MYOCD: variants seen among roughly 807,000 people sequenced by gnomAD.
MYOCD encodes myocardin.
Under a neutral mutation model 96.1 loss-of-function variants are expected in MYOCD, and 32 were observed. The ratio of observed to expected loss-of-function variants is 0.33; its 90% confidence interval spans 0.25 to 0.45. The LOEUF (loss-of-function observed/expected upper bound fraction) is 0.45, where lower values mean the gene tolerates loss of function less well. MYOCD is among the 20% of genes least tolerant of loss of function. MYOCD has a pLI of 1.00. For missense variants in MYOCD, 1,133 were observed against 1,200.6 expected (o/e 0.94, Z 0.83); for synonymous variants, 469 against 469.0 (o/e 1.00, Z 0.00).
chr17:12,763,561 C>T lies in MYOCD; in HGVS notation c.2878C>T (p.Pro960Ser), dbSNP rs1240342527. The change falls in exon 14 of 14, where the codon CCC becomes TCC. Residue 960 changes from proline (P) to serine (S), a missense_variant. Coordinates refer to ENST00000425538, the MANE Select transcript of MYOCD (RefSeq NM_001146312.3). ...CTTTAGCGCCCTCACCACCAGCAGC[C>T]CCAGCATCTTCAACATCGATTTCCT... Reference protein sequence around the residue: ...PGFSALTTSSPSIFNIDFLDV... With the variant: ...PGFSALTTSSSSIFNIDFLDV... The T allele has an allele frequency of 1.9e-6, 3 of 1,614,152 alleles. No individual in the cohort carries two copies. Among genetic ancestry groups the T allele is most frequent in the South Asian group, 1.1e-5 (1 of 91,084 alleles).
chr17:12,734,382 C>T (rs950337399), intron 5 of MYOCD, among the ~76,000 whole-genome samples: 17 of 151,870 alleles, frequency 1.1e-4, no homozygotes, highest in Admixed American at 8.5e-4. Context: ...GCCCGGGGCA[C>T]GTGCCATGTG....
chr17:12,691,202 A>G (rs1339895490), intron 1 of MYOCD, among the ~76,000 whole-genome samples: 4 of 152,256 alleles, frequency 2.6e-5, no homozygotes, highest in Non-Finnish European at 4.4e-5. Flanking sequence ...TAACAGCCAC[A>G]GGATTCTTCT....
intron 2 of MYOCD, among the ~76,000 whole-genome samples, chr17:12,714,172 C>T (rs1261660185): frequency 1.3e-5 from 2 of 151,972 alleles, no homozygotes; most frequent in East Asian, 3.9e-4. Flanking sequence ...GACCTGTTAA[C>T]TCCCCAAGCA....
At chr17:12,701,362 A>C (rs1185806366) in intron 1 of MYOCD, among the ~76,000 whole-genome samples, 1 of 152,186 alleles carries the variant, frequency 6.6e-6, no homozygotes, top group Non-Finnish European at 1.5e-5. Context: ...CAGTGAGCCG[A>C]GATCGTGCCA....
At chr17:12,722,746 C>A in intron 4 of MYOCD, 101 bp from the exon 5 acceptor site, 1 of 936,960 alleles carries the variant, frequency 1.1e-6, no homozygotes, top group South Asian at 1.7e-5. Context: ...TGGTAGAGCA[C>A]AATGTGACAC....
chr17:12,740,613 C>T (rs9911107), intron 7 of MYOCD, among the ~76,000 whole-genome samples: 10 of 152,182 alleles, frequency 6.6e-5, no homozygotes, highest in African/African-American at 2.4e-4. Context: ...GCACTTGCGA[C>T]TCGTGCTTCT....
chr17:12,716,177 G>A (rs1209465856), intron 3 of MYOCD, among the ~76,000 whole-genome samples: 2 of 152,202 alleles, frequency 1.3e-5, no homozygotes, highest in Non-Finnish European at 1.5e-5. Context: ...GGCAAAGAGA[G>A]TATCTGCCTG....
chr17:12,715,825 A>G (rs2031623220), intron 3 of MYOCD, among the ~76,000 whole-genome samples: 1 of 152,190 alleles, frequency 6.6e-6, no homozygotes, highest in South Asian at 2.1e-4. Context: ...ATGTTGGAAG[A>G]AATTACAGTA....
At chr17:12,754,367 G>T (rs1403826374) in intron 10 of MYOCD, among the ~76,000 whole-genome samples, 2 of 152,228 alleles carry the variant, frequency 1.3e-5, no homozygotes, top group East Asian at 3.9e-4. Flanking sequence ...CTCCCAAAGT[G>T]CTGGGATTAC....
At chr17:12,706,898 C>G (rs182910998) in intron 2 of MYOCD, among the ~76,000 whole-genome samples, 2 of 152,260 alleles carry the variant, frequency 1.3e-5, no homozygotes, top group Admixed American at 1.3e-4. Flanking sequence ...AAAAATCCTA[C>G]AAATCATGAA....
At chr17:12,676,178 T>C (rs1910025747) in intron 1 of MYOCD, among the ~76,000 whole-genome samples, 2 of 151,882 alleles carry the variant, frequency 1.3e-5, no homozygotes, top group South Asian at 4.1e-4. Context: ...TTTGATTACA[T>C]ATTTTAATCC....
chr17:12,708,816 C>T (rs2031387373), intron 2 of MYOCD, among the ~76,000 whole-genome samples: 1 of 152,168 alleles, frequency 6.6e-6, no homozygotes, highest in Non-Finnish European at 1.5e-5. Context: ...TGTGGAGGAG[C>T]TGAGGCCAGA....
At chr17:12,748,160 C>CAAAAAAAAAAAAAA (rs58002174) in intron 9 of MYOCD, among the ~76,000 whole-genome samples, 4 of 90,594 alleles carry the variant, frequency 4.4e-5, no homozygotes, top group Admixed American at 2.7e-4. Context: ...GACTCCGTCT[C>CAAAAAAAAAAAAAA]AAAAAAAAAA....
rs1011279045 is a variant in MYOCD, at chr17:12,758,252, A to C, written c.2331+39A>C. The C allele has an allele frequency of 1.9e-6, 3 of 1,612,614 alleles. No homozygotes were observed. In the Admixed American group the frequency reaches 5.0e-5, roughly 27 times the overall value. ...TTGTTCTTTATGGAAGAATAGACTG[A>C]CTCAATGAACAGACATTGTTTGATA... is the stretch of plus-strand genomic sequence containing the variant. On this transcript the variant is annotated intron_variant, in intron 12 of 13. Transcript: ENST00000425538.
intron 9 of MYOCD, among the ~76,000 whole-genome samples, chr17:12,751,503 AT>A (rs2032851377): frequency 6.6e-6 from 1 of 152,164 alleles, no homozygotes; most frequent in African/African-American, 2.4e-5. Context: ...TTTCCAGTTT[AT>A]GAACATTATA....
chr17:12,752,529 A>C lies in MYOCD; in HGVS notation c.1241A>C (p.Asn414Thr). The change falls in exon 10 of 14, where the codon AAC (asparagine) becomes ACC (threonine). Residue 414 changes from asparagine to threonine, a missense_variant. Asn to Thr is a moderately conservative substitution (Grantham distance 65, BLOSUM62 0). Transcript: ENST00000425538. ...GACTGCTCTGGCAACCCAGTGCCGA[A>C]CTTTGGGGATATAACGACTGTCACT... ...FQDCSGNPVP[N>T]FGDITTVTFP... 6.2e-7 allele frequency: 1 copy of C among 1,614,200 alleles called. No individual in the cohort carries two copies. Among genetic ancestry groups the C allele is most frequent in the South Asian group, 1.1e-5 (1 of 91,078 alleles).
intron 1 of MYOCD, among the ~76,000 whole-genome samples, chr17:12,674,491 T>A (rs913585521): frequency 6.6e-6 from 1 of 152,020 alleles, no homozygotes. Flanking sequence ...GAAAAAAAAA[T>A]TAAGAAATTT....
chr17:12,741,696 C>A (rs574610411), intron 7 of MYOCD, among the ~76,000 whole-genome samples: 1 of 135,066 alleles, frequency 7.4e-6, no homozygotes, highest in African/African-American at 2.9e-5. Flanking sequence ...GTCGACAGAG[C>A]GAGACTCTGT....
At chr17:12,725,961 C>T (rs1227348755) in intron 5 of MYOCD, among the ~76,000 whole-genome samples, 1 of 152,004 alleles carries the variant, frequency 6.6e-6, no homozygotes, top group Admixed American at 6.6e-5. Flanking sequence ...TGTGATATTG[C>T]TACCTTTCCT....
Sources: allele counts gnomAD v4.1 joint callset (sites outside exome capture counted in the v4.1 genomes callset), GRCh38; gene constraint gnomAD v4.1.1; transcripts MANE v1.5; gene names NCBI Gene and HGNC (gene_info 2026-07-23, HGNC 2026-07-21).